The following PRKG1 variants were observed in gnomAD, a reference collection of about 807,000 sequenced individuals.
PRKG1 encodes the protein protein kinase cGMP-dependent 1.
A neutral mutation model predicts 88.1 loss-of-function variants in PRKG1; 35 were observed. The observed-to-expected ratio is 0.40, with a 90% CI of 0.30 to 0.53. PRKG1 has a LOEUF of 0.53. Among genes scored for constraint, PRKG1 ranks in the 20% least tolerant of loss-of-function variants. PRKG1 has a pLI of 0.59. For missense variants in PRKG1, 540 were observed against 839.8 expected (o/e 0.64, Z 4.41); for synonymous variants, 303 against 292.5 (o/e 1.04, Z -0.37).
At chr10:51,344,354 C>T (rs972263198) in intron 2 of PRKG1, among the ~76,000 whole-genome samples, 2 of 152,142 alleles carry the variant, frequency 1.3e-5, no homozygotes, top group African/African-American at 4.8e-5. Flanking sequence ...AAACTATCCA[C>T]GAGAATTCCA....
At chr10:51,122,236 T>C (rs190611874) in intron 1 of PRKG1, among the ~76,000 whole-genome samples, 138 of 152,264 alleles carry the variant, frequency 9.1e-4, no homozygotes, top group African/African-American at 3.3e-3. Flanking sequence ...CCCACATGTG[T>C]AGCAAAGGGC....
At chr10:51,448,826 G>T (rs1367630595) in intron 2 of PRKG1, among the ~76,000 whole-genome samples, 2 of 151,830 alleles carry the variant, frequency 1.3e-5, no homozygotes, top group African/African-American at 4.8e-5. Flanking sequence ...GTGTTGCACT[G>T]GTTCGTATAT....
intron 1 of PRKG1, among the ~76,000 whole-genome samples, chr10:51,055,632 G>A (rs1026961277): frequency 7.9e-5 from 12 of 151,800 alleles, no homozygotes; most frequent in African/African-American, 1.5e-4. Flanking sequence ...CCAGCTACTC[G>A]GGAGGCTGAG....
At chr10:51,011,901 G>A (rs2132724651) in intron 1 of PRKG1, among the ~76,000 whole-genome samples, 1 of 152,308 alleles carries the variant, frequency 6.6e-6, no homozygotes, top group African/African-American at 2.4e-5. Flanking sequence ...AGTTCCATGT[G>A]GCTGGGGAAG....
intron 2 of PRKG1, among the ~76,000 whole-genome samples, chr10:51,226,699 C>A (rs1019682724): frequency 1.2e-4 from 18 of 151,980 alleles, no homozygotes; most frequent in Non-Finnish European, 2.2e-4. Context: ...TCCAAGAACT[C>A]CACAGAAATA....
chr10:52,078,569 A>T (rs1267211408), intron 7 of PRKG1, among the ~76,000 whole-genome samples: 2 of 152,236 alleles, frequency 1.3e-5, no homozygotes, highest in African/African-American at 4.8e-5. Flanking sequence ...GGTAACAAAA[A>T]GATTAAGCCA....
chr10:51,993,057 A>T (rs1844352759), intron 5 of PRKG1, among the ~76,000 whole-genome samples: 1 of 152,234 alleles, frequency 6.6e-6, no homozygotes, highest in Non-Finnish European at 1.5e-5. Flanking sequence ...TGAATGAGAC[A>T]TAATATATAA....
intron 2 of PRKG1, among the ~76,000 whole-genome samples, chr10:51,276,409 G>A (rs1185011618): frequency 4.6e-5 from 7 of 152,144 alleles, no homozygotes; most frequent in African/African-American, 1.7e-4. Flanking sequence ...ATTGTGAATA[G>A]TGCCGCAATA....
upstream of PRKG1, among the ~76,000 whole-genome samples, chr10:51,073,688 G>A (rs534391461): frequency 2.0e-5 from 3 of 152,298 alleles, no homozygotes; most frequent in African/African-American, 7.2e-5. Context: ...AGCAGGCGAA[G>A]AGTAGCAACG....
At chr10:51,128,952 T>C (rs1398702177) in intron 1 of PRKG1, among the ~76,000 whole-genome samples, 12 of 152,186 alleles carry the variant, frequency 7.9e-5, no homozygotes, top group Non-Finnish European at 1.6e-4. Flanking sequence ...TTACTTGTAA[T>C]GATGGCCTGC....
intron 3 of PRKG1, among the ~76,000 whole-genome samples, chr10:51,495,325 C>T (rs926723844): frequency 1.3e-5 from 2 of 152,174 alleles, no homozygotes; most frequent in African/African-American, 4.8e-5. Flanking sequence ...AGACGCCTGA[C>T]CTCAAGTGGT....
intron 1 of PRKG1, among the ~76,000 whole-genome samples, chr10:51,026,124 G>A (rs1843201862): frequency 6.6e-6 from 1 of 152,108 alleles, no homozygotes; most frequent in South Asian, 2.1e-4. Context: ...CCAGAAGCTA[G>A]GAGAGATGCA....
intron 3 of PRKG1, among the ~76,000 whole-genome samples, chr10:51,604,062 C>G (rs975541980): frequency 6.8e-6 from 1 of 147,092 alleles, no homozygotes; most frequent in Non-Finnish European, 1.5e-5. Context: ...CATATCTGTA[C>G]AGGATTAATG....
At chr10:51,169,208 A>G (rs1467458143) in intron 2 of PRKG1, among the ~76,000 whole-genome samples, 2 of 152,150 alleles carry the variant, frequency 1.3e-5, no homozygotes, top group African/African-American at 4.8e-5. Flanking sequence ...AACTTCTCTA[A>G]TACCATAATG....
intron 9 of PRKG1, among the ~76,000 whole-genome samples, chr10:52,165,884 G>A (rs1425083950): frequency 6.6e-6 from 1 of 152,220 alleles, no homozygotes; most frequent in African/African-American, 2.4e-5. Context: ...CAGGTAGATA[G>A]TCTAGGAAGA....
intron 5 of PRKG1, among the ~76,000 whole-genome samples, chr10:52,035,782 A>G (rs1476551354): frequency 6.6e-6 from 1 of 152,138 alleles, no homozygotes; most frequent in East Asian, 1.9e-4. Flanking sequence ...TGAGAACTGT[A>G]GAGAGTGAGT....
rs377279900 is a variant in PRKG1 at position 51,811,074 on chromosome 10, C to T, written c.698+6384C>T. 3.9e-5 allele frequency among the ~76,000 whole-genome samples: 6 copies of T among 152,238 alleles called. No homozygotes were observed. The East Asian group carries it at 9.6e-4, about 24-fold the overall frequency. ...AAAGAGATCAAAATAAGCTCATACCCAGTAAAAAACAGAGCTTAGACTAAA... is the reference window on the plus strand; with the variant it reads ...AAAGAGATCAAAATAAGCTCATACCTAGTAAAAAACAGAGCTTAGACTAAA... On this transcript the variant is annotated intron_variant, in intron 4 of 17. Transcript: ENST00000373980.
intron 1 of PRKG1, among the ~76,000 whole-genome samples, chr10:51,038,486 C>T (rs905276636): frequency 6.6e-6 from 1 of 152,162 alleles, no homozygotes; most frequent in African/African-American, 2.4e-5. Flanking sequence ...CTCCCAAGCC[C>T]CTCCTCAGTC....
intron 7 of PRKG1, among the ~76,000 whole-genome samples, chr10:52,075,124 T>C (rs1319901304): frequency 1.3e-5 from 2 of 152,232 alleles, no homozygotes; most frequent in African/African-American, 4.8e-5. Context: ...TAGGTACTTA[T>C]TATTTAATCA....
Sources: gnomAD v4.1 joint callset for allele counts (sites outside exome capture counted in the v4.1 genomes callset) on GRCh38, gnomAD v4.1.1 for gene constraint, MANE v1.5 for transcripts, NCBI Gene and HGNC (gene_info 2026-07-23, HGNC 2026-07-21) for gene names.